The following DLC1 variants were observed in gnomAD, a reference collection of about 807,000 sequenced individuals.
DLC1 encodes the protein DLC1 Rho GTPase activating protein.
DLC1 carries 54 observed loss-of-function variants against 140.3 expected under a neutral mutation model. The observed-to-expected ratio is 0.38, with a 90% confidence interval of 0.31 to 0.48. The LOEUF (loss-of-function observed/expected upper bound fraction) is 0.48. Among genes scored for constraint, DLC1 ranks in the 20% least tolerant of loss-of-function variants. DLC1 has a pLI of 0.96. For missense variants in DLC1, 2,536 were observed against 1,907.0 expected, an observed-to-expected ratio of 1.33 and a Z score of -6.14; for synonymous variants, 986 against 728.1, an observed-to-expected ratio of 1.35 and a Z score of -5.70.
chr8:13,503,778 A>G (rs1022157538), intron 1 of DLC1, among the ~76,000 whole-genome samples: 2 of 152,200 alleles, frequency 1.3e-5, no homozygotes, highest in African/African-American at 4.8e-5. Context: ...TGTATAGTCT[A>G]CCTTTGCTAC....
rs10096231 is a variant in DLC1, at chr8:13,214,895, A to G, written c.1348+90374T>C. Reference sequence around the variant, plus strand: ...AGGGCTTTTGTAAGCGCCTTGCTCCATGACTGGGAATAAGATATTGTCAAA... The same window carrying G: ...AGGGCTTTTGTAAGCGCCTTGCTCCGTGACTGGGAATAAGATATTGTCAAA... On this transcript the variant is annotated intron_variant, in intron 5 of 17. Transcript: ENST00000276297. The G allele has an allele frequency of 0.012, 7,949 of 671,530 alleles. 478 individuals carry two copies. The African/African-American group carries it at 0.13, about 11-fold the overall frequency. 41.6% of individuals were successfully genotyped at this position (671,530 alleles called of 1,614,324 possible). A position where few individuals can be genotyped will look rare whatever the true frequency, so the allele number is the denominator to read the frequency against.
chr8:13,382,366 G>T (rs887718585), intron 4 of DLC1, among the ~76,000 whole-genome samples: 3 of 151,044 alleles, frequency 2.0e-5, no homozygotes, highest in Admixed American at 6.6e-5. Context: ...AATTAGCCGG[G>T]CGAGGTGGCG....
At chr8:13,177,673 G>C (rs1825824053) in intron 5 of DLC1, among the ~76,000 whole-genome samples, 1 of 152,154 alleles carries the variant, frequency 6.6e-6, no homozygotes, top group Non-Finnish European at 1.5e-5. Context: ...GGGCAAAAAT[G>C]CCTATATTTC....
At chr8:13,456,681 A>G (rs1799404568) in intron 2 of DLC1, among the ~76,000 whole-genome samples, 2 of 151,228 alleles carry the variant, frequency 1.3e-5, no homozygotes, top group East Asian at 3.9e-4. Context: ...CTGGTTTTGA[A>G]CTCCTGACTT....
chr8:13,156,990 G>A (rs373425431), intron 5 of DLC1, among the ~76,000 whole-genome samples: 5 of 152,264 alleles, frequency 3.3e-5, no homozygotes, highest in African/African-American at 1.2e-4. Context: ...TCTGAAATCT[G>A]ATTCTCAGAC....
intron 4 of DLC1, among the ~76,000 whole-genome samples, chr8:13,321,119 C>T (rs937233107): frequency 1.3e-5 from 2 of 152,134 alleles, no homozygotes; most frequent in Non-Finnish European, 2.9e-5. Flanking sequence ...CTAAGCCGAT[C>T]CCAATTACTT....
intron 5 of DLC1, among the ~76,000 whole-genome samples, chr8:13,166,335 T>C (rs917904553): frequency 6.6e-6 from 1 of 152,144 alleles, no homozygotes; most frequent in Non-Finnish European, 1.5e-5. Flanking sequence ...TATTTTTCTT[T>C]CTCTCATTTA....
intron 5 of DLC1, among the ~76,000 whole-genome samples, chr8:13,246,785 G>T (rs753982612): frequency 6.6e-6 from 1 of 151,922 alleles, no homozygotes; most frequent in Non-Finnish European, 1.5e-5. Context: ...CTACAGAGTA[G>T]GGCTGTCACC....
In DLC1 at chr8:13,269,884, C is replaced by T. The variant is rs936257044; in HGVS notation, c.1348+35385G>A. Among the ~76,000 whole-genome samples the T allele has an allele frequency of 1.4e-4, 20 of 146,462 alleles. No homozygotes were observed. In the Middle Eastern group the frequency reaches 0.011, roughly 77 times the overall value. On this transcript the variant is annotated intron_variant, in intron 5 of 17. Coordinates refer to ENST00000276297, the MANE Select transcript of DLC1 (RefSeq NM_182643.3). ...CATCCTGGCTAACACGGTGAAACCC[C>T]GTCTCTACTAAAAATACAAAAAAAA...
At chr8:13,143,677 G>A (rs1823187795) in intron 5 of DLC1, among the ~76,000 whole-genome samples, 1 of 150,992 alleles carries the variant, frequency 6.6e-6, no homozygotes, top group South Asian at 2.1e-4. Context: ...CTCTTAAAGT[G>A]CTGGGATTCC....
At chr8:13,441,972 A>G (rs556608929) in intron 2 of DLC1, among the ~76,000 whole-genome samples, 31 of 152,358 alleles carry the variant, frequency 2.0e-4, no homozygotes, top group African/African-American at 7.5e-4. Context: ...AGGCTACAGT[A>G]ACCAAAACAG....
At chr8:13,239,089 G>A (rs1317417545) in intron 5 of DLC1, among the ~76,000 whole-genome samples, 1 of 152,126 alleles carries the variant, frequency 6.6e-6, no homozygotes, top group Non-Finnish European at 1.5e-5. Flanking sequence ...AAAGGAGATT[G>A]GGTAAGAACA....
At chr8:13,145,858 A>G (rs1242762499) in intron 5 of DLC1, among the ~76,000 whole-genome samples, 1 of 152,244 alleles carries the variant, frequency 6.6e-6, no homozygotes, top group African/African-American at 2.4e-5. Flanking sequence ...ACGCAAGCCA[A>G]GGAAACTGGT....
chr8:13,234,234 A>G (rs1180015929), intron 5 of DLC1, among the ~76,000 whole-genome samples: 1 of 152,150 alleles, frequency 6.6e-6, no homozygotes, highest in East Asian at 1.9e-4. Flanking sequence ...GCTTAAGGCC[A>G]AGTCAAGATA....
chr8:13,407,471 C>G (rs1262318363), intron 2 of DLC1, among the ~76,000 whole-genome samples: 3 of 152,148 alleles, frequency 2.0e-5, no homozygotes, highest in Non-Finnish European at 2.9e-5. Flanking sequence ...ATTTTGCAGA[C>G]TGGAGAAATA....
At position 13,128,432 on chromosome 8, in the gene DLC1, G is replaced by T. The variant is rs144431229; in HGVS notation, c.1349-12775C>A. On this transcript the variant is annotated intron_variant, in intron 5 of 17. Transcript: ENST00000276297. ...GTCATTCCTGCACTCTAACATTACAGCTGCCTACCTACGCACACAAGCCTC... is the reference window on the plus strand; with the variant it reads ...GTCATTCCTGCACTCTAACATTACATCTGCCTACCTACGCACACAAGCCTC... Among the ~76,000 whole-genome samples the T allele has an allele frequency of 4.5e-3, 681 of 152,238 alleles. 10 individuals are homozygous for T. The highest frequency in any genetic ancestry group is 0.016 in the African/African-American group (661 of 41,548).
At chr8:13,130,636 TA>T (rs1822001416) in intron 5 of DLC1, among the ~76,000 whole-genome samples, 1 of 152,232 alleles carries the variant, frequency 6.6e-6, no homozygotes, top group Non-Finnish European at 1.5e-5. Context: ...TAGCAATAGT[TA>T]ATTGCTCATC....
At chr8:13,262,677 C>T (rs1057350143) in intron 5 of DLC1, among the ~76,000 whole-genome samples, 36 of 152,172 alleles carry the variant, frequency 2.4e-4, no homozygotes, top group African/African-American at 8.4e-4. Flanking sequence ...CTTCCTGCCT[C>T]GGCCTCCCAA....
intron 8 of DLC1, among the ~76,000 whole-genome samples, 180 bp downstream of exon 8, chr8:13,102,610 T>G (rs1317124581): frequency 6.6e-6 from 1 of 152,194 alleles, no homozygotes; most frequent in African/African-American, 2.4e-5. Flanking sequence ...AATGGACTAG[T>G]TGCAACTATT....
Sources: allele counts gnomAD v4.1 joint callset (sites outside exome capture counted in the v4.1 genomes callset), GRCh38; gene constraint gnomAD v4.1.1; transcripts MANE v1.5; gene names NCBI Gene and HGNC (gene_info 2026-07-23, HGNC 2026-07-21).